SH3GL3: variants seen among roughly 807,000 people sequenced by gnomAD.
SH3GL3 encodes the protein SH3 domain containing GRB2 like 3, endophilin A3.
In SH3GL3, 33 loss-of-function variants were observed where a neutral mutation model predicts 47.7. The observed-to-expected ratio is 0.69, with a 90% CI of 0.52 to 0.92. SH3GL3 has a LOEUF of 0.92. Ranked by LOEUF, SH3GL3 falls within the 40% of genes least tolerant of loss-of-function variation. The pLI, the probability that SH3GL3 is intolerant of heterozygous loss-of-function variation, is 0.00. For missense variants in SH3GL3, 363 were observed against 417.8 expected (o/e 0.87, Z 1.14); for synonymous variants, 155 against 148.8 (o/e 1.04, Z -0.30).
chr15:83,461,504 A>G (rs971711031), intron 1 of SH3GL3, among the ~76,000 whole-genome samples: 3 of 152,146 alleles, frequency 2.0e-5, no homozygotes, highest in Admixed American at 6.5e-5. Flanking sequence ...TAAGGTACCT[A>G]TAGCAATTTG....
chr15:83,555,322 C>T (rs979940648), intron 1 of SH3GL3, among the ~76,000 whole-genome samples: 2 of 152,008 alleles, frequency 1.3e-5, no homozygotes, highest in Non-Finnish European at 1.5e-5. Flanking sequence ...ATTAAAAAGT[C>T]TATATTGTTT....
chr15:83,578,130 A>C (rs998566857), intron 6 of SH3GL3, among the ~76,000 whole-genome samples: 2 of 152,178 alleles, frequency 1.3e-5, no homozygotes, highest in Non-Finnish European at 2.9e-5. Context: ...TGATTTGTCC[A>C]AGTAAAGTCA....
At chr15:83,610,665 A>G (rs552458991) in intron 8 of SH3GL3, among the ~76,000 whole-genome samples, 35 of 152,316 alleles carry the variant, frequency 2.3e-4, no homozygotes, top group Middle Eastern at 3.4e-3. Flanking sequence ...CCCGAGGTCA[A>G]GTCTCAGTGT....
intron 1 of SH3GL3, among the ~76,000 whole-genome samples, chr15:83,552,714 G>T (rs532027488): frequency 3.4e-3 from 520 of 152,208 alleles, no homozygotes; most frequent in African/African-American, 0.012. Context: ...AGTTGACCAA[G>T]GTTATTATTT....
intron 1 of SH3GL3, among the ~76,000 whole-genome samples, chr15:83,549,902 G>T (rs761751524): frequency 9.9e-5 from 15 of 152,144 alleles, no homozygotes; most frequent in Non-Finnish European, 2.9e-5. Context: ...AAAGAGAACA[G>T]TCAGCTGTAG....
chr15:83,587,527 A>T (rs1259512886), intron 7 of SH3GL3, among the ~76,000 whole-genome samples: 2 of 95,420 alleles, frequency 2.1e-5, no homozygotes, highest in South Asian at 6.3e-4. Context: ...AATATCTGTA[A>T]AAAAAAAAAA....
At chr15:83,483,701 G>A (rs2041472935) in intron 1 of SH3GL3, among the ~76,000 whole-genome samples, 1 of 152,198 alleles carries the variant, frequency 6.6e-6, no homozygotes, top group African/African-American at 2.4e-5. Flanking sequence ...AGTTAGAGAA[G>A]TCGCATTACC....
rs71156087 is a variant in SH3GL3, at chr15:83,576,921, A to ATTT, written c.624+192_624+194dup. On this transcript the variant is annotated intron_variant, in intron 6 of 8. Transcript: ENST00000427482. Reference sequence around the variant, plus strand: ...TGATGAGCTTAAAAAAAAAATCATAATTTTTTTTTTTTTTGAGACGCTGTC... The same window carrying ATTT: ...TGATGAGCTTAAAAAAAAAATCATAATTTTTTTTTTTTTTTTTGAGACGCTGTC... 2.4e-3 allele frequency among the ~76,000 whole-genome samples: 208 copies of ATTT among 86,554 alleles called. 21 individuals are homozygous for ATTT. In the Middle Eastern group the frequency reaches 0.039, roughly 16 times the overall value. 56.8% of individuals were successfully genotyped at this position (86,554 alleles called of 152,430 possible). A position where few individuals can be genotyped will look rare whatever the true frequency, so the allele number is the denominator to read the frequency against.
chr15:83,462,989 A>G (rs1691613079), intron 1 of SH3GL3, among the ~76,000 whole-genome samples: 1 of 152,192 alleles, frequency 6.6e-6, no homozygotes, highest in African/African-American at 2.4e-5. Flanking sequence ...CTCCAAAGAA[A>G]GATCTTGATT....
the SH3GL3 span, among the ~76,000 whole-genome samples, chr15:83,628,245 T>C: frequency 6.6e-6 from 1 of 152,150 alleles, no homozygotes; most frequent in Non-Finnish European, 1.5e-5. Context: ...ACTAGAAGAA[T>C]GGGAAGAGGT....
At chr15:83,484,469 A>G in intron 1 of SH3GL3, among the ~76,000 whole-genome samples, 1 of 152,110 alleles carries the variant, frequency 6.6e-6, no homozygotes, top group East Asian at 1.9e-4. Flanking sequence ...AGTGGATCCT[A>G]TTAAGTTTTT....
Position 83,511,415 on chromosome 15 carries a change from GA to G in SH3GL3, c.46-47831del, listed in dbSNP as rs2042742927. Among the ~76,000 whole-genome samples, 8 of 151,932 alleles carry G rather than the reference GA, an allele frequency of 5.3e-5. No individual in the cohort carries two copies. The South Asian group carries it at 1.7e-3, about 32-fold the overall frequency. ...ATGAGAAAAAATAAGAACAAATAAG[GA>G]AAAAAAGTAAATTTCCTTCAAATCT... On this transcript the variant is annotated intron_variant, in intron 1 of 8. Coordinates refer to ENST00000427482, the MANE Select transcript of SH3GL3 (RefSeq NM_003027.5).
At chr15:83,480,709 A>G (rs2041309574) in intron 1 of SH3GL3, among the ~76,000 whole-genome samples, 1 of 152,236 alleles carries the variant, frequency 6.6e-6, no homozygotes, top group Non-Finnish European at 1.5e-5. Context: ...ATCATTCCCT[A>G]AACAATACAG....
intron 6 of SH3GL3, among the ~76,000 whole-genome samples, 187 bp from the exon 7 acceptor site, chr15:83,586,796 G>T (rs2059966449): frequency 6.6e-6 from 1 of 152,162 alleles, no homozygotes; most frequent in Non-Finnish European, 1.5e-5. Context: ...TGTTTTTCCA[G>T]CATTTATAGC....
chr15:83,522,690 A>G (rs763065009), intron 1 of SH3GL3, among the ~76,000 whole-genome samples: 1 of 152,218 alleles, frequency 6.6e-6, no homozygotes, highest in Non-Finnish European at 1.5e-5. Context: ...TTCTTAAGTC[A>G]ATAATTTCAG....
At chr15:83,516,885 G>T (rs564433829) in intron 1 of SH3GL3, among the ~76,000 whole-genome samples, 2 of 151,876 alleles carry the variant, frequency 1.3e-5, no homozygotes, top group African/African-American at 2.4e-5. Context: ...TATCTTTTGT[G>T]TTTGACTCTT....
chr15:83,598,702 C>CT (rs2060298400), intron 8 of SH3GL3, among the ~76,000 whole-genome samples: 1 of 152,068 alleles, frequency 6.6e-6, no homozygotes, highest in African/African-American at 2.4e-5. Flanking sequence ...TTTCAATTCT[C>CT]TTATATTCAT....
intron 1 of SH3GL3, among the ~76,000 whole-genome samples, chr15:83,493,126 G>C (rs1263154850): frequency 1.3e-5 from 2 of 152,056 alleles, no homozygotes; most frequent in East Asian, 3.9e-4. Context: ...TTGTTTCTTG[G>C]TTATTTTTTT....
intron 8 of SH3GL3, among the ~76,000 whole-genome samples, chr15:83,607,101 T>G (rs1470427082): frequency 6.6e-6 from 1 of 152,110 alleles, no homozygotes; most frequent in East Asian, 1.9e-4. Context: ...TAAAAAGAGT[T>G]TTGAAAAGCC....
Sources: gnomAD v4.1 joint callset for allele counts (sites outside exome capture counted in the v4.1 genomes callset) on GRCh38, gnomAD v4.1.1 for gene constraint, MANE v1.5 for transcripts, NCBI Gene and HGNC (gene_info 2026-07-23, HGNC 2026-07-21) for gene names.